The following SCFD1 variants were observed in gnomAD, a reference collection of about 807,000 sequenced individuals.
SCFD1 encodes the protein sec1 family domain-containing protein 1.
SCFD1 carries 37 observed loss-of-function variants against 103.2 expected under a neutral mutation model. The observed-to-expected ratio is 0.36, with a 90% CI of 0.28 to 0.47. The LOEUF is 0.47. SCFD1 is among the 20% of genes least tolerant of loss of function. The pLI, the probability that SCFD1 is intolerant of heterozygous loss-of-function variation, is 1.00. For missense variants in SCFD1, 639 were observed against 761.2 expected (o/e 0.84, Z 1.89); for synonymous variants, 264 against 245.0 (o/e 1.08, Z -0.73).
In SCFD1 at chr14:30,722,475, T is replaced by A; in HGVS notation, c.1771-19T>A. On this transcript the variant is annotated intron_variant, in intron 22 of 24. Coordinates refer to ENST00000458591, the MANE Select transcript of SCFD1 (RefSeq NM_016106.4). ...ACTAAAAACTGTGTTTTTTTTTTTT[T>A]AATCTGTTTGCATTTTAGGCCATTG... 3.9e-6 allele frequency: 6 copies of A among 1,556,432 alleles called. No individual in the cohort carries two copies. The highest frequency in any genetic ancestry group is 3.8e-5 in the Admixed American group (2 of 52,304).
chr14:30,631,359 T>A (rs572574467), intron 3 of SCFD1, among the ~76,000 whole-genome samples: 5 of 151,904 alleles, frequency 3.3e-5, no homozygotes, highest in East Asian at 3.9e-4. Context: ...TCTCAAAATT[T>A]AAAAAAAATT....
chr14:30,724,975 G>C (rs938552929), intron 23 of SCFD1, among the ~76,000 whole-genome samples: 1 of 152,020 alleles, frequency 6.6e-6, no homozygotes, highest in Non-Finnish European at 1.5e-5. Context: ...CAGGTTTGTC[G>C]AAGATCAGAT....
intron 10 of SCFD1, among the ~76,000 whole-genome samples, chr14:30,655,775 TG>T (rs1886841596): frequency 6.6e-6 from 1 of 152,156 alleles, no homozygotes; most frequent in Non-Finnish European, 1.5e-5. Flanking sequence ...TGTTGTTTAG[TG>T]GGATGGAAAA....
chr14:30,672,914 T>A (rs1035598215), intron 11 of SCFD1, among the ~76,000 whole-genome samples: 11 of 152,226 alleles, frequency 7.2e-5, no homozygotes, highest in African/African-American at 2.4e-4. Context: ...TGATATAACA[T>A]GACTTGTCTT....
At chr14:30,628,141 A>G (rs565426788) in intron 1 of SCFD1, 68 bp from the exon 2 acceptor site, 14 of 1,167,942 alleles carry the variant, frequency 1.2e-5, no homozygotes, top group South Asian at 4.0e-5. Flanking sequence ...GGGGTAGTGA[A>G]TGATGATGGA....
Position 30,661,809 on chromosome 14 carries a change from GTTTT to G in SCFD1, c.855+8222_855+8225del, listed in dbSNP as rs1452956443. 2.0e-5 allele frequency among the ~76,000 whole-genome samples: 3 copies of G among 152,108 alleles called. No individual in the cohort carries two copies. In the East Asian group the frequency reaches 5.8e-4, roughly 29 times the overall value. On this transcript the variant is annotated intron_variant, in intron 10 of 24. Coordinates refer to ENST00000458591, the MANE Select transcript of SCFD1 (RefSeq NM_016106.4). ...TTAACATTTTCTCTTGTGGAAATTA[GTTTT>G]AGGGATGAGCTTTGAAAAATAAATT...
chr14:30,735,454 A>C, intron 24 of SCFD1, 132 bp from the exon 25 acceptor site: 1 of 686,398 alleles, frequency 1.5e-6, no homozygotes. Context: ...GTGAACATTA[A>C]GATTTATTAT....
At chr14:30,663,162 T>C (rs1887599533) in intron 10 of SCFD1, among the ~76,000 whole-genome samples, 1 of 152,218 alleles carries the variant, frequency 6.6e-6, no homozygotes, top group African/African-American at 2.4e-5. Context: ...CTTTATTATT[T>C]TGTGTTTTAA....
chr14:30,722,435 T>C, intron 22 of SCFD1, 59 bp from the exon 23 acceptor site: 1 of 1,265,944 alleles, frequency 7.9e-7, no homozygotes, highest in Non-Finnish European at 1.1e-6. Flanking sequence ...ACCTTAATTT[T>C]AGAAGAGGTT....
At chr14:30,683,365 G>A (rs1889650763) in intron 14 of SCFD1, 10 of 564,250 alleles carry the variant, frequency 1.8e-5, no homozygotes, top group Non-Finnish European at 2.6e-5. Context: ...GAGAGCTTAT[G>A]CTTATACCTC....
chr14:30,731,887 T>C lies in SCFD1; in HGVS notation c.1837-2903T>C, dbSNP rs565625772. Among the ~76,000 whole-genome samples, 4 of 152,306 alleles carry C rather than the reference T, an allele frequency of 2.6e-5. 1 individual carries two copies. The South Asian group carries it at 8.3e-4, about 32-fold the overall frequency. On this transcript the variant is annotated intron_variant, in intron 23 of 24. Transcript: ENST00000458591. Reference sequence around the variant, plus strand: ...TTGCCCTGGCCAGAACTTCCAACACTATGTTGAATAGGAGAGGTGAGAGAG... The same window carrying C: ...TTGCCCTGGCCAGAACTTCCAACACCATGTTGAATAGGAGAGGTGAGAGAG...
chr14:30,720,590 C>T (rs535567491), intron 21 of SCFD1, among the ~76,000 whole-genome samples: 6 of 152,212 alleles, frequency 3.9e-5, no homozygotes, highest in Non-Finnish European at 7.4e-5. Context: ...TGAATCTATA[C>T]AGAGCATGTA....
chr14:30,678,525 C>A (rs1260013360), intron 14 of SCFD1, among the ~76,000 whole-genome samples: 1 of 152,150 alleles, frequency 6.6e-6, no homozygotes, highest in Non-Finnish European at 1.5e-5. Context: ...AATACAAATG[C>A]AACTTTCCCA....
At chr14:30,628,756 T>G (rs1457181457) in intron 2 of SCFD1, among the ~76,000 whole-genome samples, 1 of 152,226 alleles carries the variant, frequency 6.6e-6, no homozygotes, top group African/African-American at 2.4e-5. Flanking sequence ...TGGAGAGCCT[T>G]TAAAAATTCC....
intron 14 of SCFD1, 193 bp downstream of exon 14, chr14:30,675,258 C>A (rs1447325611): frequency 1.5e-5 from 6 of 396,024 alleles, no homozygotes; most frequent in Non-Finnish European, 2.7e-5. Context: ...TAAGTGATTT[C>A]CAAGGTCACA....
chr14:30,722,842 CA>C lies in SCFD1; in HGVS notation c.1836+295del, dbSNP rs56169449. 6.0e-3 allele frequency: 1,078 copies of C among 180,820 alleles called. 1 individual carries two copies. Among genetic ancestry groups the C allele is most frequent in the Middle Eastern group, 0.014 (7 of 490 alleles). The allele number at this position is 180,820 out of a possible 1,614,324, so 11.2% of individuals were successfully genotyped here. A position where few individuals can be genotyped will look rare whatever the true frequency, so the allele number is the denominator to read the frequency against. On this transcript the variant is annotated intron_variant, in intron 23 of 24. Transcript: ENST00000458591. The stretch of plus-strand genomic sequence containing the variant: ...CCTCAAATGCTTAGAGACCTCTTCC[CA>C]AAAAAAAAAAACTCTTGTGGTGAAA...
intron 20 of SCFD1, among the ~76,000 whole-genome samples, chr14:30,717,891 A>AG (rs1180796056): frequency 6.8e-6 from 1 of 147,504 alleles, no homozygotes. Context: ...CTCAAAAAAA[A>AG]GAAAAAAAAA....
intron 7 of SCFD1, among the ~76,000 whole-genome samples, chr14:30,645,140 G>A (rs949436186): frequency 6.6e-6 from 1 of 152,120 alleles, no homozygotes; most frequent in African/African-American, 2.4e-5. Context: ...TCAGATGGTT[G>A]TAGGTATGTG....
chr14:30,668,877 T>C (rs562669184), intron 10 of SCFD1, among the ~76,000 whole-genome samples: 4 of 152,138 alleles, frequency 2.6e-5, no homozygotes, highest in African/African-American at 7.2e-5. Context: ...GTTAAAATGG[T>C]GATCAGTAAA....
Sources: gnomAD v4.1 joint callset for allele counts (sites outside exome capture counted in the v4.1 genomes callset) on GRCh38, gnomAD v4.1.1 for gene constraint, MANE v1.5 for transcripts, NCBI Gene and HGNC (gene_info 2026-07-23, HGNC 2026-07-21) for gene names.